CNOT2: variants seen among roughly 807,000 people sequenced by gnomAD.
CNOT2 encodes the protein CC chemokine receptor 4-negative regulator of transcription 2.
CNOT2 carries 7 observed loss-of-function variants against 72.1 expected under a neutral mutation model. That is an observed-to-expected ratio of 0.10 (90% CI 0.06 to 0.18). The LOEUF is 0.18. Among genes scored for constraint, CNOT2 ranks in the 10% least tolerant of loss-of-function variants. CNOT2 has a pLI of 1.00. For missense variants in CNOT2, 345 were observed against 660.3 expected (o/e 0.52, Z 5.23); for synonymous variants, 196 against 225.6 (o/e 0.87, Z 1.17).
Position 70,289,469 on chromosome 12 carries a change from C to T in CNOT2, c.48+11195C>T, listed in dbSNP as rs999698566. Among the ~76,000 whole-genome samples the T allele has an allele frequency of 3.3e-5, 5 of 152,020 alleles. No individual in the cohort carries two copies. The South Asian group carries it at 1.0e-3, about 32-fold the overall frequency. Reference sequence around the variant, plus strand: ...CTTACACGTGGGATTTGTTGAGCTTCTTGAATTTGTATGTTTATACAAATT... The same window carrying T: ...CTTACACGTGGGATTTGTTGAGCTTTTTGAATTTGTATGTTTATACAAATT... On this transcript the variant is annotated intron_variant, in intron 2 of 15. Coordinates refer to ENST00000229195, the MANE Select transcript of CNOT2 (RefSeq NM_014515.7).
chr12:70,300,798 A>T (rs1873797917), intron 2 of CNOT2, among the ~76,000 whole-genome samples: 1 of 152,150 alleles, frequency 6.6e-6, no homozygotes, highest in African/African-American at 2.4e-5. Context: ...TGAATCTATA[A>T]ATTACCTTGG....
chr12:70,318,482 CT>C (rs1212973020), intron 3 of CNOT2, among the ~76,000 whole-genome samples: 3 of 151,730 alleles, frequency 2.0e-5, no homozygotes, highest in Non-Finnish European at 4.4e-5. Flanking sequence ...GATTACATTA[CT>C]AACCTTTGTT....
intron 4 of CNOT2, 102 bp from the exon 5 acceptor site, chr12:70,329,321 T>C (rs1879577489): frequency 3.6e-6 from 3 of 824,614 alleles, no homozygotes; most frequent in Non-Finnish European, 2.0e-6. Context: ...TTGCGTACTA[T>C]GTTAGGTCAT....
intron 1 of CNOT2, among the ~76,000 whole-genome samples, chr12:70,262,093 T>G (rs1313353919): frequency 6.6e-6 from 1 of 151,996 alleles, no homozygotes; most frequent in Non-Finnish European, 1.5e-5. Flanking sequence ...TGAGTTTTCT[T>G]TTTTTTTCTT....
chr12:70,324,216 G>A (rs1878724826), intron 4 of CNOT2: 1 of 151,732 alleles, frequency 6.6e-6, no homozygotes, highest in Non-Finnish European at 1.5e-5. Context: ...AGAATCTGTT[G>A]AATTAAGACA....
intron 4 of CNOT2, chr12:70,321,989 G>A (rs74101493): frequency 7.9e-5 from 12 of 151,770 alleles, no homozygotes; most frequent in Admixed American, 2.0e-4. Context: ...AATAATTCAC[G>A]TGAATACTGT....
Position 70,278,286 on chromosome 12 carries a change from C to A in CNOT2, c.48+12C>A, listed in dbSNP as rs2135804626. 6.3e-7 allele frequency: 1 copy of A among 1,584,554 alleles called. No homozygotes were observed. Among genetic ancestry groups the A allele is most frequent in the East Asian group, 2.2e-5 (1 of 44,686 alleles). ...AAAGAAACTACCAGGTAAGACCAGT[C>A]TTTCTTCTTTTTTCTCTATTGGTCT... On this transcript the variant is annotated intron_variant, in intron 2 of 15. Coordinates refer to ENST00000229195, the MANE Select transcript of CNOT2 (RefSeq NM_014515.7).
At chr12:70,320,095 T>G (rs182998520) in intron 4 of CNOT2, among the ~76,000 whole-genome samples, 14 of 151,826 alleles carry the variant, frequency 9.2e-5, no homozygotes, top group Admixed American at 8.6e-4. Flanking sequence ...TTATCATCTC[T>G]GTTAATGTCA....
chr12:70,318,027 T>C (rs140167564), intron 3 of CNOT2, among the ~76,000 whole-genome samples: 232 of 152,056 alleles, frequency 1.5e-3, no homozygotes, highest in Non-Finnish European at 2.6e-3. Context: ...CTTTTCCCGT[T>C]ATACCCCAGC....
intron 2 of CNOT2, among the ~76,000 whole-genome samples, chr12:70,294,730 A>AT (rs1442561881): frequency 3.3e-5 from 5 of 152,074 alleles, no homozygotes; most frequent in African/African-American, 1.2e-4. Context: ...TAGATGTGCT[A>AT]TTTTTTCCTG....
chr12:70,338,881 TA>T, intron 11 of CNOT2, 59 bp downstream of exon 11: 1 of 1,392,614 alleles, frequency 7.2e-7, no homozygotes, highest in South Asian at 1.3e-5. Flanking sequence ...TTCCAGTTTT[TA>T]ATATCATGTC....
Position 70,308,584 on chromosome 12 carries a change from T to TCACACACA in CNOT2, c.49-2294_49-2287dup, listed in dbSNP as rs58837695. ...CTCTCTCTCTCTCTCTCTCTCTCTC[T>TCACACACA]CACACACACACACACACACACACAG... On this transcript the variant is annotated intron_variant, in intron 2 of 15. Coordinates refer to ENST00000229195, the MANE Select transcript of CNOT2 (RefSeq NM_014515.7). 5.6e-4 allele frequency among the ~76,000 whole-genome samples: 75 copies of TCACACACA among 133,324 alleles called. 1 individual carries two copies. The highest frequency in any genetic ancestry group is 4.9e-3 in the East Asian group (23 of 4,658). 87.5% of individuals were successfully genotyped at this position (133,324 alleles called of 152,430 possible). A position where few individuals can be genotyped will look rare whatever the true frequency, so the allele number is the denominator to read the frequency against.
chr12:70,337,406 C>G lies in CNOT2; in HGVS notation c.793C>G (p.Pro265Ala). The G allele has an allele frequency of 6.2e-7, 1 of 1,608,300 alleles. No individual in the cohort carries two copies. The highest frequency in any genetic ancestry group is 1.3e-5 in the African/African-American group (1 of 74,836). Residue 265 changes from proline (P) to alanine (A), a missense_variant, in exon 9 of 16, where the codon CCA becomes GCA. Physicochemically the swap from Pro to Ala is conservative, Grantham distance 27. Around this residue, in one of 4 missense-constraint regions of CNOT2, gnomAD observed 128 missense variants for 233.0 expected, o/e 0.55. Coordinates refer to ENST00000229195, the MANE Select transcript of CNOT2 (RefSeq NM_014515.7). The stretch of plus-strand genomic sequence containing the variant: ...TTACATAGTTGGAATGGTAACAAAA[C>G]CAGCAAATGAACAATCCCAGGACTT... ...RAPYVGMVTK[P>A]ANEQSQDFSI...
At chr12:70,304,554 C>T (rs983794366) in intron 2 of CNOT2, among the ~76,000 whole-genome samples, 1 of 152,224 alleles carries the variant, frequency 6.6e-6, no homozygotes, top group Non-Finnish European at 1.5e-5. Context: ...CCTGATCATT[C>T]CTCTGGAAGT....
chr12:70,319,069 A>C (rs1161026553), intron 3 of CNOT2: 1 of 341,746 alleles, frequency 2.9e-6, no homozygotes, highest in Non-Finnish European at 5.3e-6. Context: ...ACTTTTAGAA[A>C]ACTTATAGTA....
At chr12:70,348,795 A>G (rs1313541631) in intron 15 of CNOT2, among the ~76,000 whole-genome samples, 3 of 152,012 alleles carry the variant, frequency 2.0e-5, no homozygotes, top group Admixed American at 6.5e-5. Context: ...TTCCTCAGTC[A>G]GGTAAATGTC....
intron 2 of CNOT2, among the ~76,000 whole-genome samples, chr12:70,298,820 C>T (rs1360939758): frequency 6.6e-6 from 1 of 152,062 alleles, no homozygotes; most frequent in Admixed American, 6.5e-5. Context: ...TTAGAGGTTA[C>T]AAAACATCTT....
At chr12:70,296,039 C>T (rs958119366) in intron 2 of CNOT2, among the ~76,000 whole-genome samples, 5 of 152,114 alleles carry the variant, frequency 3.3e-5, no homozygotes, top group African/African-American at 1.2e-4. Flanking sequence ...GGATAACATA[C>T]ATGGCTTTTC....
intron 3 of CNOT2, chr12:70,318,943 A>G (rs1361623750): frequency 6.1e-6 from 1 of 163,242 alleles, no homozygotes; most frequent in Non-Finnish European, 1.3e-5. Flanking sequence ...AAGGCATTGT[A>G]CAAGTGCCAT....
Sources: allele counts gnomAD v4.1 joint callset (sites outside exome capture counted in the v4.1 genomes callset), GRCh38; gene constraint gnomAD v4.1.1; regional missense constraint gnomAD v4.1.1; transcripts MANE v1.5; gene names NCBI Gene and HGNC (gene_info 2026-07-23, HGNC 2026-07-21).